The following FAT3 variants were observed in gnomAD, a reference collection of about 807,000 sequenced individuals.
FAT3 encodes protocadherin Fat 3.
A neutral mutation model predicts 310.2 loss-of-function variants in FAT3; 95 were observed. The ratio of observed to expected loss-of-function variants is 0.31; its 90% CI spans 0.26 to 0.36. The LOEUF (loss-of-function observed/expected upper bound fraction) is 0.36, where lower values mean the gene tolerates loss of function less well. Ranked by LOEUF, FAT3 falls within the 10% of genes least tolerant of loss-of-function variation. The probability of loss-of-function intolerance (pLI) is 1.00; values close to 1 mark genes in which losing one functional copy is unlikely to be tolerated. For synonymous variants in FAT3, 2,314 were observed against 2,192.9 expected (o/e 1.06, Z -1.54); for missense variants, 5,408 against 5,715.6 (o/e 0.95, Z 1.74).
At chr11:92,322,327 C>G (rs1286458058) in intron 1 of FAT3, among the ~76,000 whole-genome samples, 1 of 152,020 alleles carries the variant, frequency 6.6e-6, no homozygotes, top group African/African-American at 2.4e-5. Context: ...AAAAAAAATG[C>G]TAAGGGTCAT....
chr11:92,666,005 T>TA (rs550449645), intron 3 of FAT3, among the ~76,000 whole-genome samples: 21 of 152,296 alleles, frequency 1.4e-4, no homozygotes, highest in African/African-American at 3.1e-4. Flanking sequence ...ACCACATCTC[T>TA]AAAAAATTTT....
chr11:92,825,166 T>C (rs1161793800), intron 13 of FAT3, among the ~76,000 whole-genome samples: 1 of 152,206 alleles, frequency 6.6e-6, no homozygotes, highest in Admixed American at 6.5e-5. Context: ...AATGGACATA[T>C]ATGTGTACTG....
chr11:92,669,592 G>A (rs538243300), intron 3 of FAT3, among the ~76,000 whole-genome samples: 120 of 152,260 alleles, frequency 7.9e-4, no homozygotes, highest in Non-Finnish European at 1.0e-3. Context: ...GCCTGTCTTT[G>A]TTCTGACCCC....
At chr11:92,881,516 C>T (rs527896901) in intron 23 of FAT3, among the ~76,000 whole-genome samples, 29 of 152,284 alleles carry the variant, frequency 1.9e-4, no homozygotes, top group African/African-American at 7.0e-4. Context: ...AAATACTTAA[C>T]TGATTTTGAA....
intron 13 of FAT3, among the ~76,000 whole-genome samples, chr11:92,828,710 G>A (rs544250641): frequency 9.9e-5 from 15 of 152,252 alleles, no homozygotes; most frequent in Admixed American, 9.8e-4. Flanking sequence ...CCGGAGGGGA[G>A]CCATGGTCTT....
At chr11:92,297,933 A>C (rs1460715542) in intron 1 of FAT3, among the ~76,000 whole-genome samples, 1 of 152,130 alleles carries the variant, frequency 6.6e-6, no homozygotes, top group Non-Finnish European at 1.5e-5. Context: ...TTTGAAAGAG[A>C]AATTCTGTCC....
rs116605818 is a variant in FAT3, at chr11:92,854,393, C to A, written c.11366-2821C>A. ...GCTGTGCCCAGGAGTGCAGGGTTCA[C>A]ACTTGCCAACTCAGTAGGGGGGTGG... is the stretch of plus-strand genomic sequence containing the variant. On this transcript the variant is annotated intron_variant, in intron 19 of 27. Coordinates refer to ENST00000525166, the MANE Select transcript of FAT3 (RefSeq NM_001367949.2). Among the ~76,000 whole-genome samples the A allele has an allele frequency of 4.7e-3, 715 of 152,182 alleles. 2 individuals are homozygous for A. The highest frequency in any genetic ancestry group is 0.016 in the African/African-American group (664 of 41,528).
chr11:92,836,675 A>C lies in FAT3; in HGVS notation c.10196A>C (p.Lys3399Thr). 6.2e-7 allele frequency: 1 copy of C among 1,613,420 alleles called. No individual in the cohort carries two copies. The highest frequency in any genetic ancestry group is 8.5e-7 in the Non-Finnish European group (1 of 1,179,632). ...GTAGATCCTGTCTTGGGACTTGTGA[A>C]AGTTAAGAAGAAATTGGACCGGGAA... ...FTVDPVLGLVKVKKKLDRERV... is the reference protein window; with the variant it reads ...FTVDPVLGLVTVKKKLDRERV... The change falls in exon 16 of 28, where the codon AAA becomes ACA. Residue 3399 changes from lysine to threonine, a missense_variant. This residue lies in a region of FAT3 where 4,588 missense variants were observed against 4,809.8 expected (regional missense o/e 0.95). Transcript: ENST00000525166.
chr11:92,507,271 A>C (rs1565369847), intron 2 of FAT3, among the ~76,000 whole-genome samples: 1 of 152,160 alleles, frequency 6.6e-6, no homozygotes, highest in Non-Finnish European at 1.5e-5. Context: ...AAATCTATAG[A>C]AGATGAGAAC....
intron 3 of FAT3, among the ~76,000 whole-genome samples, chr11:92,578,864 G>A (rs763490779): frequency 7.9e-5 from 12 of 151,974 alleles, no homozygotes; most frequent in Non-Finnish European, 1.3e-4. Context: ...CCCCATGATC[G>A]TCTAATATAT....
chr11:92,879,542 C>T (rs768972591), intron 22 of FAT3, among the ~76,000 whole-genome samples: 16 of 152,234 alleles, frequency 1.1e-4, no homozygotes, highest in Non-Finnish European at 2.2e-4. Flanking sequence ...CCAGGGAAAA[C>T]CAGTTATGCA....
chr11:92,867,329 A>G, intron 22 of FAT3, 120 bp downstream of exon 22: 1 of 1,027,330 alleles, frequency 9.7e-7, no homozygotes, highest in Non-Finnish European at 1.4e-6. Flanking sequence ...TTCACACCCA[A>G]GATGCTCGCC....
At chr11:92,699,630 G>A (rs1247510380) in intron 4 of FAT3, among the ~76,000 whole-genome samples, 1 of 152,252 alleles carries the variant, frequency 6.6e-6, no homozygotes, top group Non-Finnish European at 1.5e-5. Context: ...CGAGCATCAT[G>A]TTGGCACTCA....
intron 3 of FAT3, among the ~76,000 whole-genome samples, chr11:92,660,297 G>A (rs375451791): frequency 6.6e-6 from 1 of 151,996 alleles, no homozygotes; most frequent in Non-Finnish European, 1.5e-5. Flanking sequence ...GTTTATAAAG[G>A]TGCCTTTAAA....
intron 4 of FAT3, among the ~76,000 whole-genome samples, chr11:92,720,399 A>G (rs1031228708): frequency 3.3e-5 from 5 of 152,210 alleles, no homozygotes; most frequent in African/African-American, 1.2e-4. Flanking sequence ...TAAAAATATA[A>G]TTAGGTTAAC....
intron 3 of FAT3, among the ~76,000 whole-genome samples, chr11:92,564,034 C>T (rs1171831995): frequency 6.6e-6 from 1 of 151,538 alleles, no homozygotes; most frequent in Admixed American, 6.6e-5. Flanking sequence ...TCACACATAA[C>T]AATATTAAAT....
intron 19 of FAT3, among the ~76,000 whole-genome samples, chr11:92,850,183 C>T (rs921585619): frequency 4.6e-5 from 7 of 152,192 alleles, no homozygotes; most frequent in Non-Finnish European, 7.3e-5. Context: ...GAGTAACCCT[C>T]AGTGTTGTCT....
chr11:92,455,456 G>C (rs888163848), intron 2 of FAT3, among the ~76,000 whole-genome samples: 5 of 152,112 alleles, frequency 3.3e-5, no homozygotes, highest in Non-Finnish European at 7.3e-5. Flanking sequence ...TTCATGGGCT[G>C]ATGTTTTCCA....
intron 19 of FAT3, among the ~76,000 whole-genome samples, chr11:92,854,986 T>A (rs900488756): frequency 6.6e-6 from 1 of 152,242 alleles, no homozygotes; most frequent in Non-Finnish European, 1.5e-5. Context: ...TGAAAGGTAA[T>A]GCCCAAGTAA....
Sources: allele counts gnomAD v4.1 joint callset (sites outside exome capture counted in the v4.1 genomes callset), GRCh38; gene constraint gnomAD v4.1.1; regional missense constraint gnomAD v4.1.1; transcripts MANE v1.5; gene names NCBI Gene and HGNC (gene_info 2026-07-23, HGNC 2026-07-21).